Variants in SYNJ1 observed in about 807,000 individuals in gnomAD.
SYNJ1 encodes the protein polyphosphatidylinositol phosphatase SYNJ1.
Under a neutral mutation model 168.2 loss-of-function variants are expected in SYNJ1, and 78 were observed. That is an observed-to-expected ratio of 0.46 (90% confidence interval 0.39 to 0.56). The LOEUF (loss-of-function observed/expected upper bound fraction) is 0.56, where lower values mean the gene tolerates loss of function less well. Among genes scored for constraint, SYNJ1 ranks in the 20% least tolerant of loss-of-function variants. SYNJ1 has a pLI of 0.00. For missense variants in SYNJ1, 1,303 were observed against 1,597.6 expected (o/e 0.82, Z 3.14); for synonymous variants, 539 against 548.6 (o/e 0.98, Z 0.24).
At chr21:32,680,690 A>C (rs2041589196) in intron 11 of SYNJ1, among the ~76,000 whole-genome samples, 1 of 151,744 alleles carries the variant, frequency 6.6e-6, no homozygotes, top group Non-Finnish European at 1.5e-5. Flanking sequence ...ATCTTGGCTC[A>C]CTGCAACCAC....
intron 30 of SYNJ1, 29 bp downstream of exon 30, chr21:32,639,642 C>T (rs1234489556): frequency 1.3e-6 from 2 of 1,589,280 alleles, no homozygotes; most frequent in Non-Finnish European, 1.7e-6. Context: ...AAGTGATCCT[C>T]CTGCCTCAGC....
chr21:32,659,513 C>T (rs923489574), intron 18 of SYNJ1, among the ~76,000 whole-genome samples: 1 of 152,164 alleles, frequency 6.6e-6, no homozygotes, highest in Non-Finnish European at 1.5e-5. Flanking sequence ...AAAATCAACC[C>T]CTGACCTAAC....
intron 23 of SYNJ1, among the ~76,000 whole-genome samples, chr21:32,648,566 GA>G (rs2040157329): frequency 6.6e-6 from 1 of 152,116 alleles, no homozygotes; most frequent in Non-Finnish European, 1.5e-5. Flanking sequence ...GACATTTCTA[GA>G]AACAATTGCC....
chr21:32,641,544 T>C (rs2039836308), intron 29 of SYNJ1, among the ~76,000 whole-genome samples: 1 of 152,118 alleles, frequency 6.6e-6, no homozygotes, highest in Non-Finnish European at 1.5e-5. Context: ...GTAATTAAAA[T>C]CCTTTTTAAT....
At chr21:32,712,692 A>G (rs2042871102) in intron 2 of SYNJ1, among the ~76,000 whole-genome samples, 1 of 152,238 alleles carries the variant, frequency 6.6e-6, no homozygotes, top group South Asian at 2.1e-4. Context: ...GGAATTATAT[A>G]ACCATACAAA....
At position 32,631,045 on chromosome 21, in the gene SYNJ1, T is replaced by G; in HGVS notation, c.*760A>C. The stretch of plus-strand genomic sequence containing the variant: ...GGTGAAGCCTTAGAGGCCAAGGTCG[T>G]GAAAGGATCTACTGGAGGGCTGGTG... On this transcript the variant is annotated 3_prime_UTR_variant, in exon 33 of 33. Coordinates refer to ENST00000674351, the MANE Select transcript of SYNJ1 (RefSeq NM_203446.3). 2.5e-6 allele frequency: 4 copies of G among 1,614,106 alleles called. No homozygotes were observed. The highest frequency in any genetic ancestry group is 3.4e-6 in the Non-Finnish European group (4 of 1,180,002).
intron 4 of SYNJ1, among the ~76,000 whole-genome samples, chr21:32,697,615 C>T (rs528662686): frequency 8.5e-5 from 13 of 152,056 alleles, no homozygotes; most frequent in Admixed American, 6.5e-4. Context: ...GCCTGGCCAA[C>T]GTGGTGAAAC....
intron 6 of SYNJ1, among the ~76,000 whole-genome samples, chr21:32,689,554 C>T (rs1259856732): frequency 6.6e-6 from 1 of 152,230 alleles, no homozygotes; most frequent in African/African-American, 2.4e-5. Context: ...CTCAGCCTCC[C>T]AAAGTGCTGG....
chr21:32,666,012 T>C lies in SYNJ1; in HGVS notation c.2076A>G (p.Ala692=). The change falls in exon 17 of 33, where the codon GCA becomes GCG. Residue 692 remains alanine (A), a synonymous_variant. Coordinates refer to ENST00000674351, the MANE Select transcript of SYNJ1 (RefSeq NM_203446.3). ...SLCFVCSHFA[A]GQSQVKERNE... ...TTCTTTCTTTGACTTGTGACTGCCC[T>C]GCAGCAAAGTGGCTACAGACGAAGC... 6.2e-7 allele frequency: 1 copy of C among 1,614,074 alleles called. No individual in the cohort carries two copies. The highest frequency in any genetic ancestry group is 1.3e-5 in the African/African-American group (1 of 75,066).
intron 3 of SYNJ1, 138 bp downstream of exon 3, chr21:32,701,823 T>C (rs1452561061): frequency 5.2e-6 from 3 of 578,422 alleles, no homozygotes; most frequent in Non-Finnish European, 5.6e-6. Context: ...ATTAGCTACA[T>C]TAATGTTTAA....
At position 32,681,638 on chromosome 21, in the gene SYNJ1, T is replaced by C. The variant is rs2041627866; in HGVS notation, c.1211A>G (p.Lys404Arg). ...AGCTAAACCAAGAGCTTCCAACTGT[T>C]TAGCTAGCATCTTAAAAAGCAAACA... ...QAFLGLEMLA[K>R]QLEALGLAEK... The change falls in exon 11 of 33, where the codon AAA becomes AGA. Residue 404 changes from lysine (K) to arginine (R), a missense_variant. Physicochemically the swap from Lys to Arg is conservative, Grantham distance 26 (BLOSUM62 2). This residue lies in a region of SYNJ1 where 920 missense variants were observed against 1,208.8 expected (regional missense o/e 0.76). Transcript: ENST00000674351. 1 of 1,608,216 alleles carries C rather than the reference T, an allele frequency of 6.2e-7. No individual in the cohort carries two copies. Among genetic ancestry groups the C allele is most frequent in the African/African-American group, 1.3e-5 (1 of 74,400 alleles).
chr21:32,650,085 C>T, intron 23 of SYNJ1, 99 bp downstream of exon 23: 1 of 1,415,096 alleles, frequency 7.1e-7, no homozygotes, highest in Non-Finnish European at 9.5e-7. Context: ...ATGTACGTCC[C>T]AAGAAGAAGA....
chr21:32,684,293 T>G (rs2041740055), intron 9 of SYNJ1, among the ~76,000 whole-genome samples, 174 bp from the exon 10 acceptor site: 1 of 152,238 alleles, frequency 6.6e-6, no homozygotes, highest in African/African-American at 2.4e-5. Flanking sequence ...ACCCACCATT[T>G]AAATTTGACA....
intron 30 of SYNJ1, among the ~76,000 whole-genome samples, 192 bp from the exon 31 acceptor site, chr21:32,639,317 A>T (rs2039723364): frequency 6.6e-6 from 1 of 152,190 alleles, no homozygotes; most frequent in South Asian, 2.1e-4. Flanking sequence ...TGACAGAAGG[A>T]AAAAGAGAAA....
In SYNJ1 at chr21:32,630,111, G is replaced by A. The variant is rs956498873; in HGVS notation, c.*1694C>T. 1 of 152,232 alleles carries A rather than the reference G, an allele frequency of 6.6e-6. No individual in the cohort carries two copies. The highest frequency in any genetic ancestry group is 2.4e-5 in the African/African-American group (1 of 41,464). 9.4% of individuals were successfully genotyped at this position (152,232 alleles called of 1,614,324 possible). On this transcript the variant is annotated 3_prime_UTR_variant, in exon 33 of 33. Transcript: ENST00000674351. ...TATTTCTCATTGAACTTGGTGGTAT[G>A]TGCCTTCCCTGCATATAAGGCCATA...
rs995236717 is a variant in SYNJ1 at position 32,630,546 on chromosome 21, T to G, written c.*1259A>C. 4.2e-5 allele frequency: 7 copies of G among 164,906 alleles called. No individual in the cohort carries two copies. The highest frequency in any genetic ancestry group is 5.5e-5 in the Admixed American group (1 of 18,066). The allele number at this position is 164,906 out of a possible 1,614,324, so 10.2% of individuals were successfully genotyped here. On this transcript the variant is annotated 3_prime_UTR_variant, in exon 33 of 33. Transcript: ENST00000674351. ...ATATGTACACATACCTATACTTTTTTCCTTTAAAGCAATGCCTTTCAAAAC... is the reference window on the plus strand; with the variant it reads ...ATATGTACACATACCTATACTTTTTGCCTTTAAAGCAATGCCTTTCAAAAC...
At chr21:32,725,991 G>A (rs760262794) in intron 2 of SYNJ1, among the ~76,000 whole-genome samples, 1 of 152,080 alleles carries the variant, frequency 6.6e-6, no homozygotes. Context: ...AAGGGCACAC[G>A]ACGGAGCCGA....
intron 2 of SYNJ1, among the ~76,000 whole-genome samples, chr21:32,714,734 A>G (rs988948497): frequency 1.9e-4 from 29 of 152,308 alleles, no homozygotes; most frequent in African/African-American, 7.0e-4. Flanking sequence ...CTCATTTGGT[A>G]GCCACCAAAC....
At chr21:32,669,143 T>C (rs2041077593) in intron 15 of SYNJ1, among the ~76,000 whole-genome samples, 1 of 152,224 alleles carries the variant, frequency 6.6e-6, no homozygotes, top group Non-Finnish European at 1.5e-5. Flanking sequence ...TACTGACTTA[T>C]GATCTGTAAC....
Sources: gnomAD v4.1 joint callset for allele counts (sites outside exome capture counted in the v4.1 genomes callset) on GRCh38, gnomAD v4.1.1 for gene constraint, gnomAD v4.1.1 regional missense constraint, MANE v1.5 for transcripts, NCBI Gene and HGNC (gene_info 2026-07-23, HGNC 2026-07-21) for gene names.